The following GRM8 variants were observed in gnomAD, a reference collection of about 807,000 sequenced individuals.
The protein encoded by GRM8 is glutamate metabotropic receptor 8, also known as metabotropic glutamate receptor 8.
In GRM8, 47 loss-of-function variants were observed where a neutral mutation model predicts 87.2. The ratio of observed to expected loss-of-function variants is 0.54; its 90% confidence interval spans 0.43 to 0.69. The LOEUF is 0.69. Among genes scored for constraint, GRM8 ranks in the 30% least tolerant of loss-of-function variants. The pLI, the probability that GRM8 is intolerant of heterozygous loss-of-function variation, is 0.00. For missense variants in GRM8, 1,019 were observed against 1,139.2 expected (o/e 0.89, Z 1.52); for synonymous variants, 396 against 404.5 (o/e 0.98, Z 0.25).
At chr7:126,491,620 T>C (rs991669921) in intron 9 of GRM8, among the ~76,000 whole-genome samples, 2 of 152,074 alleles carry the variant, frequency 1.3e-5, no homozygotes, top group Admixed American at 6.6e-5. Context: ...ACAAAGACCA[T>C]GTGAATTCTC....
intron 7 of GRM8, among the ~76,000 whole-genome samples, chr7:126,621,683 T>C (rs1240340526): frequency 1.3e-5 from 2 of 151,844 alleles, no homozygotes; most frequent in Non-Finnish European, 2.9e-5. Flanking sequence ...CCTCCCAAAG[T>C]GCTGGGATTA....
At chr7:126,739,245 C>A (rs1814633760) in intron 7 of GRM8, among the ~76,000 whole-genome samples, 1 of 151,460 alleles carries the variant, frequency 6.6e-6, no homozygotes, top group South Asian at 2.1e-4. Flanking sequence ...GAAATAAGGT[C>A]TTTTTAAATC....
At chr7:127,172,471 G>A (rs890813755) in intron 2 of GRM8, among the ~76,000 whole-genome samples, 13 of 151,982 alleles carry the variant, frequency 8.6e-5, no homozygotes, top group Non-Finnish European at 1.6e-4. Flanking sequence ...TTGGGAGGCC[G>A]AGGCAGGTGG....
At chr7:127,068,626 G>A (rs1390589520) in intron 3 of GRM8, among the ~76,000 whole-genome samples, 1 of 152,198 alleles carries the variant, frequency 6.6e-6, no homozygotes, top group African/African-American at 2.4e-5. Context: ...CAAGGTCAGA[G>A]CTGGACTCAA....
chr7:127,054,775 A>G (rs1317277548), intron 3 of GRM8, among the ~76,000 whole-genome samples: 2 of 152,194 alleles, frequency 1.3e-5, no homozygotes, highest in African/African-American at 4.8e-5. Context: ...TGAGTGGGAT[A>G]ATAAATAGGT....
intron 3 of GRM8, among the ~76,000 whole-genome samples, chr7:127,092,678 G>A (rs890259436): frequency 6.6e-6 from 1 of 152,216 alleles, no homozygotes; most frequent in African/African-American, 2.4e-5. Context: ...CTGCACTACA[G>A]CCTGGGTGAC....
intron 7 of GRM8, among the ~76,000 whole-genome samples, chr7:126,657,373 T>C (rs1299240421): frequency 1.3e-5 from 2 of 152,240 alleles, no homozygotes; most frequent in South Asian, 4.1e-4. Flanking sequence ...ACCAACCTAA[T>C]AGAGCAGTGG....
chr7:127,249,566 G>A (rs1798753317), intron 1 of GRM8, among the ~76,000 whole-genome samples: 1 of 152,096 alleles, frequency 6.6e-6, no homozygotes, highest in African/African-American at 2.4e-5. Flanking sequence ...GGTGTCCTGG[G>A]ATGAGACAAT....
At chr7:126,585,674 C>T (rs376542013) in intron 8 of GRM8, among the ~76,000 whole-genome samples, 12 of 152,156 alleles carry the variant, frequency 7.9e-5, no homozygotes, top group East Asian at 1.9e-4. Context: ...ATTGATGGGA[C>T]GTATCTCAAA....
At chr7:126,766,097 C>A (rs540326512) in intron 7 of GRM8, among the ~76,000 whole-genome samples, 3 of 152,078 alleles carry the variant, frequency 2.0e-5, no homozygotes, top group Admixed American at 6.6e-5. Context: ...CTAACATATT[C>A]TTTGCTTTGT....
At chr7:127,064,871 G>A (rs759836073) in intron 3 of GRM8, among the ~76,000 whole-genome samples, 1 of 152,142 alleles carries the variant, frequency 6.6e-6, no homozygotes, top group Non-Finnish European at 1.5e-5. Flanking sequence ...AAAACAACAG[G>A]CTGGCAAGCT....
chr7:126,726,853 A>G (rs975719784), intron 7 of GRM8, among the ~76,000 whole-genome samples: 1 of 152,092 alleles, frequency 6.6e-6, no homozygotes, highest in Non-Finnish European at 1.5e-5. Flanking sequence ...TAGGCCACCC[A>G]AGATTTGCTC....
chr7:127,009,450 T>C (rs1814654565), intron 3 of GRM8, among the ~76,000 whole-genome samples: 1 of 152,082 alleles, frequency 6.6e-6, no homozygotes, highest in South Asian at 2.1e-4. Flanking sequence ...AGAATGACAT[T>C]CTTTACAAAG....
chr7:126,780,379 A>G (rs1466286775), intron 6 of GRM8, among the ~76,000 whole-genome samples: 2 of 152,200 alleles, frequency 1.3e-5, no homozygotes, highest in Non-Finnish European at 1.5e-5. Context: ...ATGAGTTAGT[A>G]TATACATTAG....
At chr7:126,792,166 G>A (rs571703095) in intron 6 of GRM8, among the ~76,000 whole-genome samples, 1 of 152,298 alleles carries the variant, frequency 6.6e-6, no homozygotes, top group South Asian at 2.1e-4. Context: ...GAGGATCTGA[G>A]CTTGCTCCAG....
chr7:126,968,325 T>A (rs1446409390), intron 3 of GRM8, among the ~76,000 whole-genome samples: 1 of 152,204 alleles, frequency 6.6e-6, no homozygotes, highest in Non-Finnish European at 1.5e-5. Flanking sequence ...TTAACTGCAA[T>A]GATTTCCAAA....
intron 2 of GRM8, among the ~76,000 whole-genome samples, chr7:127,190,756 A>T (rs1794987012): frequency 6.6e-6 from 1 of 152,144 alleles, no homozygotes. Context: ...ACCAAACTAA[A>T]AGACAGTGCT....
intron 3 of GRM8, among the ~76,000 whole-genome samples, chr7:126,915,084 C>T (rs781026827): frequency 1.3e-5 from 2 of 152,166 alleles, no homozygotes; most frequent in African/African-American, 4.8e-5. Flanking sequence ...CCACGCTGGG[C>T]TCTCACTCAG....
chr7:127,226,845 C>T (rs1484354711), intron 2 of GRM8, among the ~76,000 whole-genome samples: 1 of 152,192 alleles, frequency 6.6e-6, no homozygotes, highest in Non-Finnish European at 1.5e-5. Context: ...GACTGTGGTG[C>T]TACAGTGTTT....
Sources: allele counts gnomAD v4.1 joint callset (sites outside exome capture counted in the v4.1 genomes callset), GRCh38; gene constraint gnomAD v4.1.1; transcripts MANE v1.5; gene names NCBI Gene and HGNC (gene_info 2026-07-23, HGNC 2026-07-21).